AOPEP: variants seen among roughly 807,000 people sequenced by gnomAD.
AOPEP encodes aminopeptidase O.
Under a neutral mutation model 98.1 loss-of-function variants are expected in AOPEP, and 77 were observed. That is an observed-to-expected ratio of 0.78 (90% CI 0.65 to 0.95). The LOEUF (loss-of-function observed/expected upper bound fraction) is 0.95, where lower values mean the gene tolerates loss of function less well. Among genes scored for constraint, AOPEP ranks in the 40% least tolerant of loss-of-function variants. The pLI, the probability that AOPEP is intolerant of heterozygous loss-of-function variation, is 0.00. For missense variants in AOPEP, 1,024 were observed against 1,024.7 expected (o/e 1.00, Z 0.01); for synonymous variants, 346 against 365.3 (o/e 0.95, Z 0.60).
intron 14 of AOPEP, among the ~76,000 whole-genome samples, chr9:95,077,274 C>T (rs1038167464): frequency 6.6e-6 from 1 of 152,208 alleles, no homozygotes; most frequent in Non-Finnish European, 1.5e-5. Context: ...AGCACTGCCC[C>T]GGCTCCCAGA....
At chr9:94,942,618 G>A (rs553591062) in intron 7 of AOPEP, among the ~76,000 whole-genome samples, 14 of 152,240 alleles carry the variant, frequency 9.2e-5, no homozygotes, top group Non-Finnish European at 2.1e-4. Flanking sequence ...AGATTGGAAA[G>A]GAAGAAGTAA....
At position 95,036,352 on chromosome 9, in the gene AOPEP, T is replaced by C. The variant is rs182883815; in HGVS notation, c.2116-24342T>C. Among the ~76,000 whole-genome samples, 20 of 152,368 alleles carry C rather than the reference T, an allele frequency of 1.3e-4. No individual in the cohort carries two copies. The East Asian group carries it at 3.3e-3, about 25-fold the overall frequency. ...GAAGATGGAATTTATCTGATAGGTCTTACTTGCTTTAAATCTTTGCCTTTG... is the reference window on the plus strand; with the variant it reads ...GAAGATGGAATTTATCTGATAGGTCCTACTTGCTTTAAATCTTTGCCTTTG... On this transcript the variant is annotated intron_variant, in intron 13 of 16. Transcript: ENST00000375315.
intron 5 of AOPEP, among the ~76,000 whole-genome samples, chr9:94,833,020 C>T (rs1243755435): frequency 6.6e-6 from 1 of 151,260 alleles, no homozygotes; most frequent in Admixed American, 6.6e-5. Flanking sequence ...ACTGCAGACT[C>T]CGCCTCCTGG....
At chr9:95,081,828 T>TATCG (rs2069824858) in intron 15 of AOPEP, among the ~76,000 whole-genome samples, 1 of 152,192 alleles carries the variant, frequency 6.6e-6, no homozygotes, top group Non-Finnish European at 1.5e-5. Flanking sequence ...GCTCTTGCGA[T>TATCG]GTCTTTGAGA....
At chr9:94,939,522 G>T (rs1400496335) in intron 7 of AOPEP, among the ~76,000 whole-genome samples, 1 of 152,036 alleles carries the variant, frequency 6.6e-6, no homozygotes, top group South Asian at 2.1e-4. Context: ...GTAGGATGGG[G>T]TTTATGAGAA....
chr9:95,101,603 G>A, the AOPEP span: 19 of 1,390,578 alleles, frequency 1.4e-5, no homozygotes, highest in East Asian at 2.4e-5. Flanking sequence ...ACAGCCCAGC[G>A]AGGGCACTTA....
chr9:94,866,297 T>C (rs903553686), intron 5 of AOPEP, among the ~76,000 whole-genome samples: 1 of 152,228 alleles, frequency 6.6e-6, no homozygotes, highest in African/African-American at 2.4e-5. Context: ...ATGCCGGTTA[T>C]GAAATGGGGA....
At chr9:94,954,210 G>A (rs952898436) in intron 7 of AOPEP, among the ~76,000 whole-genome samples, 1 of 152,162 alleles carries the variant, frequency 6.6e-6, no homozygotes, top group African/African-American at 2.4e-5. Flanking sequence ...TGTAATCCCA[G>A]CTACTTGGGA....
At chr9:95,072,516 C>T (rs2068613879) in intron 14 of AOPEP, among the ~76,000 whole-genome samples, 1 of 152,028 alleles carries the variant, frequency 6.6e-6, no homozygotes, top group South Asian at 2.1e-4. Context: ...ACCTGTAGTC[C>T]CAGCTACTGG....
intron 5 of AOPEP, among the ~76,000 whole-genome samples, chr9:94,895,240 A>AAT (rs574320948): frequency 0.071 from 1,499 of 21,046 alleles, 17 homozygotes; most frequent in Middle Eastern, 0.27. Context: ...AAAATAAAAT[A>AAT]AAAAAAAAAA....
chr9:95,096,679 G>C, the AOPEP span, among the ~76,000 whole-genome samples: 65,290 of 152,018 alleles, frequency 0.43, 14,326 homozygotes, highest in Non-Finnish European at 0.49. Flanking sequence ...ATGTGAGCTG[G>C]GAGGAGGTCG....
intron 13 of AOPEP, among the ~76,000 whole-genome samples, chr9:95,031,791 A>C (rs2064327698): frequency 6.6e-6 from 1 of 152,206 alleles, no homozygotes; most frequent in South Asian, 2.1e-4. Context: ...AATGTGTCCC[A>C]GTTCAAACAA....
intron 5 of AOPEP, among the ~76,000 whole-genome samples, chr9:94,815,168 G>GC (rs1423052580): frequency 6.6e-6 from 1 of 152,112 alleles, no homozygotes; most frequent in East Asian, 1.9e-4. Flanking sequence ...AAAAAGGAGG[G>GC]CCCCCCACCC....
chr9:94,988,816 C>T (rs1424132863), intron 11 of AOPEP, among the ~76,000 whole-genome samples: 4 of 152,258 alleles, frequency 2.6e-5, no homozygotes, highest in African/African-American at 9.6e-5. Flanking sequence ...GCTACTGAGT[C>T]AGCATCTCCA....
the AOPEP span, chr9:95,111,035 A>C: frequency 1.4e-6 from 2 of 1,454,074 alleles, no homozygotes; most frequent in African/African-American, 2.8e-5. Flanking sequence ...GGAGACAGTC[A>C]AGATGGAAGC....
chr9:94,844,044 A>C (rs1747014199), intron 5 of AOPEP, among the ~76,000 whole-genome samples: 1 of 151,968 alleles, frequency 6.6e-6, no homozygotes, highest in Non-Finnish European at 1.5e-5. Context: ...TTCTTAAAGG[A>C]GGATATTTAT....
intron 13 of AOPEP, among the ~76,000 whole-genome samples, chr9:95,033,168 G>A (rs1246184327): frequency 1.3e-5 from 2 of 152,182 alleles, no homozygotes; most frequent in African/African-American, 4.8e-5. Flanking sequence ...ATGGAGTCTA[G>A]AGTTGGCCAA....
intron 11 of AOPEP, among the ~76,000 whole-genome samples, chr9:94,985,747 T>G (rs1303338611): frequency 1.3e-5 from 2 of 152,246 alleles, no homozygotes; most frequent in African/African-American, 4.8e-5. Context: ...GCTGTCATTT[T>G]TGTCCAGTAG....
intron 11 of AOPEP, among the ~76,000 whole-genome samples, chr9:94,992,089 C>T (rs576265230): frequency 3.9e-4 from 59 of 152,372 alleles, no homozygotes; most frequent in African/African-American, 1.4e-3. Flanking sequence ...ACCAGAGTCC[C>T]TGTCTTTTGC....
Sources: allele counts gnomAD v4.1 joint callset (sites outside exome capture counted in the v4.1 genomes callset), GRCh38; gene constraint gnomAD v4.1.1; transcripts MANE v1.5; gene names NCBI Gene and HGNC (gene_info 2026-07-23, HGNC 2026-07-21).